Variants in ATP9B observed in about 807,000 individuals in gnomAD.
ATP9B encodes the protein ATPase phospholipid transporting 9B.
ATP9B carries 110 observed loss-of-function variants against 146.1 expected under a neutral mutation model. The observed-to-expected ratio is 0.75, with a 90% confidence interval of 0.65 to 0.88. ATP9B has a LOEUF of 0.88. Ranked by LOEUF, ATP9B falls within the 40% of genes least tolerant of loss-of-function variation. The pLI, the probability that ATP9B is intolerant of heterozygous loss-of-function variation, is 0.00. For missense variants in ATP9B, 1,499 were observed against 1,496.4 expected (o/e 1.00, Z -0.03); for synonymous variants, 604 against 569.7 (o/e 1.06, Z -0.86).
intron 10 of ATP9B, among the ~76,000 whole-genome samples, chr18:79,207,384 G>T (rs756341456): frequency 3.9e-5 from 6 of 152,344 alleles, no homozygotes; most frequent in Non-Finnish European, 8.8e-5. Context: ...TCAGTCATCC[G>T]ACAAGGGTTG....
chr18:79,311,466 T>C (rs1033512974), intron 15 of ATP9B, among the ~76,000 whole-genome samples: 1 of 152,202 alleles, frequency 6.6e-6, no homozygotes. Context: ...AGCCTAAATG[T>C]GCCAGCAGAT....
intron 15 of ATP9B, among the ~76,000 whole-genome samples, chr18:79,327,719 G>A (rs1316242326): frequency 4.8e-4 from 67 of 139,600 alleles, no homozygotes; most frequent in African/African-American, 1.8e-3. Flanking sequence ...TCCATGGTTA[G>A]CGTGCTCGCC....
chr18:79,253,549 T>A lies in ATP9B; in HGVS notation c.1268+8T>A, dbSNP rs751437737. On this transcript the variant is annotated splice_region_variant and intron_variant, in intron 12 of 29. Transcript: ENST00000426216. ...TTACATCATTCCCATAAGGTAAGTT[T>A]AAAAATGAAAATAAAACAAATGTCT... 1 of 1,568,988 alleles carries A rather than the reference T, an allele frequency of 6.4e-7. No individual in the cohort carries two copies. Among genetic ancestry groups the A allele is most frequent in the South Asian group, 1.2e-5 (1 of 83,426 alleles).
chr18:79,280,690 C>T (rs1407549850), intron 13 of ATP9B, among the ~76,000 whole-genome samples: 1 of 152,002 alleles, frequency 6.6e-6, no homozygotes, highest in East Asian at 1.9e-4. Context: ...AACACATGTG[C>T]TTATCAGACA....
intron 8 of ATP9B, among the ~76,000 whole-genome samples, chr18:79,177,133 G>A (rs2095183725): frequency 6.6e-6 from 1 of 152,044 alleles, no homozygotes; most frequent in Admixed American, 6.5e-5. Flanking sequence ...TGACACTTAG[G>A]TTTTCTTTCT....
Position 79,115,519 on chromosome 18 carries a change from T to C in ATP9B, c.558+2165T>C, listed in dbSNP as rs2094055938. The C allele has an allele frequency of 3.0e-5, 4 of 133,868 alleles. 1 individual carries two copies. The highest frequency in any genetic ancestry group is 1.4e-4 in the Admixed American group (2 of 13,948). 8.3% of individuals were successfully genotyped at this position (133,868 alleles called of 1,614,324 possible). On this transcript the variant is annotated intron_variant, in intron 4 of 29. Coordinates refer to ENST00000426216, the MANE Select transcript of ATP9B (RefSeq NM_198531.5). ...GGCATCACACTACCTGACTTCAAAC[T>C]ATACTACAAGGCTACAGTAACCAAA...
chr18:79,171,776 C>T (rs2095075307), intron 7 of ATP9B, among the ~76,000 whole-genome samples: 1 of 152,192 alleles, frequency 6.6e-6, no homozygotes, highest in Non-Finnish European at 1.5e-5. Context: ...CTTCCAGCAG[C>T]CCTCACCCTG....
chr18:79,178,261 T>G (rs759151647), intron 8 of ATP9B, among the ~76,000 whole-genome samples: 1 of 152,212 alleles, frequency 6.6e-6, no homozygotes, highest in Non-Finnish European at 1.5e-5. Context: ...CAGCACCGGA[T>G]GAGTGACCCG....
intron 2 of ATP9B, among the ~76,000 whole-genome samples, chr18:79,108,907 A>G (rs752239803): frequency 6.6e-6 from 1 of 152,232 alleles, no homozygotes; most frequent in Non-Finnish European, 1.5e-5. Context: ...TCATAAATTC[A>G]AATACTGAAA....
intron 7 of ATP9B, among the ~76,000 whole-genome samples, chr18:79,163,906 A>ACACG (rs1555719006): frequency 6.7e-5 from 10 of 149,680 alleles, no homozygotes; most frequent in African/African-American, 2.5e-4. Flanking sequence ...ACACACACAC[A>ACACG]GGGGGAGACA....
At chr18:79,125,270 A>T (rs1162294004) in intron 4 of ATP9B, among the ~76,000 whole-genome samples, 2 of 152,140 alleles carry the variant, frequency 1.3e-5, no homozygotes, top group African/African-American at 4.8e-5. Flanking sequence ...CTGAAGAGAG[A>T]TGGCAGAGGG....
chr18:79,128,110 A>C (rs1599754723), intron 5 of ATP9B, among the ~76,000 whole-genome samples: 1 of 119,284 alleles, frequency 8.4e-6, no homozygotes. Flanking sequence ...CCCAGGCTGG[A>C]GTGCAGTGGC....
At chr18:79,191,245 A>C (rs1427891928) in intron 8 of ATP9B, among the ~76,000 whole-genome samples, 1 of 151,674 alleles carries the variant, frequency 6.6e-6, no homozygotes, top group Non-Finnish European at 1.5e-5. Context: ...ATTTTTCTTT[A>C]GGTATTTTTG....
rs372427025 is a variant in ATP9B, at chr18:79,231,766, A to ATG, written c.1107+17740_1107+17741dup. 4.2e-3 allele frequency among the ~76,000 whole-genome samples: 564 copies of ATG among 133,518 alleles called. 2 individuals are homozygous for ATG. The highest frequency in any genetic ancestry group is 0.014 in the African/African-American group (478 of 33,666). The allele number at this position is 133,518 out of a possible 152,430, so 87.6% of individuals were successfully genotyped here. A position where few individuals can be genotyped will look rare whatever the true frequency, so the allele number is the denominator to read the frequency against. The stretch of plus-strand genomic sequence containing the variant: ...ATCAATCAACGAGTAGATAAAGAAA[A>ATG]TGTGTGTGTGTGTATATATATATAT... On this transcript the variant is annotated intron_variant, in intron 11 of 29. Transcript: ENST00000426216.
At chr18:79,333,708 G>A (rs1036483234) in intron 17 of ATP9B, among the ~76,000 whole-genome samples, 6 of 151,672 alleles carry the variant, frequency 4.0e-5, no homozygotes, top group African/African-American at 7.3e-5. Flanking sequence ...CTCTCCTCTC[G>A]CCGTGTGTCA....
chr18:79,182,359 G>A (rs2095261350), intron 8 of ATP9B, among the ~76,000 whole-genome samples: 1 of 152,194 alleles, frequency 6.6e-6, no homozygotes, highest in Non-Finnish European at 1.5e-5. Context: ...ACACTCAGGT[G>A]GAACACTTTG....
At chr18:79,177,435 G>A (rs964051966) in intron 8 of ATP9B, among the ~76,000 whole-genome samples, 1 of 151,684 alleles carries the variant, frequency 6.6e-6, no homozygotes, top group African/African-American at 2.4e-5. Flanking sequence ...AGAGATGGGG[G>A]TCTTGCTATG....
In ATP9B at chr18:79,082,123, C is replaced by T. The variant is rs565519029; in HGVS notation, c.119+12594C>T. On this transcript the variant is annotated intron_variant, in intron 1 of 29. Transcript: ENST00000426216. ...TTCATTCCTTTTCATTCATTTTTCT[C>T]TAATCTTGTCTTCACGCTTTATTTC... Among the ~76,000 whole-genome samples, 13 of 152,286 alleles carry T rather than the reference C, an allele frequency of 8.5e-5. No individual in the cohort carries two copies. The South Asian group carries it at 1.9e-3, about 22-fold the overall frequency.
At chr18:79,080,321 G>A (rs1302611699) in intron 1 of ATP9B, among the ~76,000 whole-genome samples, 1 of 152,106 alleles carries the variant, frequency 6.6e-6, no homozygotes, top group Non-Finnish European at 1.5e-5. Flanking sequence ...ATTTCCTTGA[G>A]CAGTGGTTTG....
Sources: gnomAD v4.1 joint callset for allele counts (sites outside exome capture counted in the v4.1 genomes callset) on GRCh38, gnomAD v4.1.1 for gene constraint, MANE v1.5 for transcripts, NCBI Gene and HGNC (gene_info 2026-07-23, HGNC 2026-07-21) for gene names.